Variants in CNST observed in about 807,000 individuals in gnomAD.
The protein encoded by CNST is consortin, connexin sorting protein, also known as consortin.
In CNST, 39 loss-of-function variants were observed where a neutral mutation model predicts 72.4. The observed-to-expected ratio is 0.54, with a 90% CI of 0.42 to 0.70. The LOEUF (loss-of-function observed/expected upper bound fraction) is 0.70. Among genes scored for constraint, CNST ranks in the 30% least tolerant of loss-of-function variants. The pLI, the probability that CNST is intolerant of heterozygous loss-of-function variation, is 0.00. For synonymous variants in CNST, 332 were observed against 320.1 expected, an observed-to-expected ratio of 1.04 and a Z score of -0.40; for missense variants, 871 against 868.5, an observed-to-expected ratio of 1.00 and a Z score of -0.04.
intron 6 of CNST, among the ~76,000 whole-genome samples, chr1:246,641,265 G>A (rs1433201422): frequency 6.6e-6 from 1 of 152,192 alleles, no homozygotes; most frequent in Non-Finnish European, 1.5e-5. Context: ...AAGTGGCGAT[G>A]AGCATTTTTG....
At chr1:246,595,341 A>T (rs1661809087) in intron 2 of CNST, among the ~76,000 whole-genome samples, 1 of 152,176 alleles carries the variant, frequency 6.6e-6, no homozygotes, top group Non-Finnish European at 1.5e-5. Context: ...CTCAGTACGT[A>T]TCCATCACCC....
chr1:246,619,773 C>T (rs1450767221), intron 2 of CNST, among the ~76,000 whole-genome samples: 1 of 152,252 alleles, frequency 6.6e-6, no homozygotes, highest in African/African-American at 2.4e-5. Flanking sequence ...GTTTCACATT[C>T]AAATCCAAAG....
At chr1:246,587,882 T>G (rs1465796141) in intron 1 of CNST, among the ~76,000 whole-genome samples, 1 of 152,244 alleles carries the variant, frequency 6.6e-6, no homozygotes, top group East Asian at 1.9e-4. Flanking sequence ...CCCAAGGTTT[T>G]TTTCGGAATA....
At chr1:246,661,201 C>A (rs1667085808) in intron 10 of CNST, among the ~76,000 whole-genome samples, 1 of 151,970 alleles carries the variant, frequency 6.6e-6, no homozygotes, top group Admixed American at 6.6e-5. Flanking sequence ...AACTCCTAAC[C>A]TCATGAGGTT....
chr1:246,638,309 G>T (rs1427001390), intron 6 of CNST, among the ~76,000 whole-genome samples: 1 of 152,184 alleles, frequency 6.6e-6, no homozygotes, highest in Non-Finnish European at 1.5e-5. Context: ...TTGCACGGTT[G>T]TAGGGCTACT....
Position 246,642,132 on chromosome 1 carries a change from GGTTTT to G in CNST, c.937+96_937+100del, listed in dbSNP as rs1343648286. ...ACATCTGAATTGCTGCAAAGGATCT[GGTTTT>G]TTTTTTTTTTTTTTTTTGCACTTAC... On this transcript the variant is annotated intron_variant, in intron 8 of 10. Transcript: ENST00000366513. 1.7e-3 allele frequency: 335 copies of G among 198,142 alleles called. 5 individuals carry two copies. The highest frequency in any genetic ancestry group is 5.9e-3 in the East Asian group (32 of 5,418). 12.3% of individuals were successfully genotyped at this position (198,142 alleles called of 1,614,324 possible).
At chr1:246,588,233 G>C (rs772245904) in intron 1 of CNST, among the ~76,000 whole-genome samples, 3 of 151,968 alleles carry the variant, frequency 2.0e-5, no homozygotes, top group East Asian at 1.9e-4. Flanking sequence ...TTACTGAAAG[G>C]CCGTTTTACT....
At chr1:246,665,050 A>G (rs1667331296) in intron 10 of CNST, among the ~76,000 whole-genome samples, 1 of 152,144 alleles carries the variant, frequency 6.6e-6, no homozygotes, top group Non-Finnish European at 1.5e-5. Context: ...ATCTTAGAAC[A>G]GCCAGGCTGT....
chr1:246,668,233 A>T lies in CNST; in HGVS notation c.*2328A>T, dbSNP rs1217447499. 1 of 152,124 alleles carries T rather than the reference A, an allele frequency of 6.6e-6. No individual in the cohort carries two copies. The highest frequency in any genetic ancestry group is 1.5e-5 in the Non-Finnish European group (1 of 68,012). The allele number at this position is 152,124 out of a possible 1,614,324, so 9.4% of individuals were successfully genotyped here. ...ATTCATCCAGTTTTACTAAAATGTA[A>T]TTTTTTCTGTCATTTGAAAGTACTG... is the stretch of plus-strand genomic sequence containing the variant. On this transcript the variant is annotated 3_prime_UTR_variant, in exon 11 of 11. Transcript: ENST00000366513.
chr1:246,581,889 T>C (rs1237198786), intron 1 of CNST, among the ~76,000 whole-genome samples: 2 of 152,188 alleles, frequency 1.3e-5, no homozygotes, highest in African/African-American at 4.8e-5. Flanking sequence ...TTATGAGATG[T>C]CTGCTAATAT....
At chr1:246,605,326 A>G (rs1410003898) in intron 2 of CNST, among the ~76,000 whole-genome samples, 6 of 152,244 alleles carry the variant, frequency 3.9e-5, no homozygotes, top group Non-Finnish European at 7.3e-5. Context: ...TTATAATCCC[A>G]GCATTTTGGG....
At chr1:246,659,954 G>C (rs760415691) in intron 9 of CNST, among the ~76,000 whole-genome samples, 1 of 152,216 alleles carries the variant, frequency 6.6e-6, no homozygotes, top group South Asian at 2.1e-4. Flanking sequence ...ACGTCATGCT[G>C]CCTGTCCCCG....
intron 2 of CNST, among the ~76,000 whole-genome samples, chr1:246,610,979 A>C (rs76185924): frequency 6.6e-6 from 1 of 151,890 alleles, no homozygotes; most frequent in Non-Finnish European, 1.5e-5. Context: ...TGATCACCTG[A>C]CAATATTTTC....
chr1:246,586,298 A>G (rs974872608), intron 1 of CNST, among the ~76,000 whole-genome samples: 4 of 147,904 alleles, frequency 2.7e-5, no homozygotes, highest in Admixed American at 6.8e-5. Flanking sequence ...TATATAAGAT[A>G]CATATACAAG....
intron 10 of CNST, among the ~76,000 whole-genome samples, 165 bp downstream of exon 10, chr1:246,660,499 G>A (rs1338464991): frequency 6.6e-6 from 1 of 152,194 alleles, no homozygotes; most frequent in African/African-American, 2.4e-5. Flanking sequence ...GCTCAGGCGG[G>A]CAGATCACTT....
rs184007946 is a variant in CNST at position 246,645,467 on chromosome 1, G to A, written c.938-1672G>A. 3.9e-4 allele frequency among the ~76,000 whole-genome samples: 49 copies of A among 126,710 alleles called. 1 individual carries two copies. Among genetic ancestry groups the A allele is most frequent in the African/African-American group, 1.3e-3 (41 of 30,856 alleles). 83.1% of individuals were successfully genotyped at this position (126,710 alleles called of 152,430 possible). On this transcript the variant is annotated intron_variant, in intron 8 of 10. Coordinates refer to ENST00000366513, the MANE Select transcript of CNST (RefSeq NM_152609.3). Reference sequence around the variant, plus strand: ...TTTTGAGATGGAGTCTCGCTCTGTCGCCCAGGCTGGAGTGCAGTGGCGCAA... The same window carrying A: ...TTTTGAGATGGAGTCTCGCTCTGTCACCCAGGCTGGAGTGCAGTGGCGCAA...
chr1:246,652,869 T>C (rs1364779439), intron 9 of CNST, among the ~76,000 whole-genome samples: 1 of 150,904 alleles, frequency 6.6e-6, no homozygotes, highest in South Asian at 2.1e-4. Flanking sequence ...CCGGGCGTGG[T>C]GGCGGGCGCC....
At chr1:246,567,611 A>G (rs896891456) in intron 1 of CNST, among the ~76,000 whole-genome samples, 3 of 152,234 alleles carry the variant, frequency 2.0e-5, no homozygotes, top group African/African-American at 4.8e-5. Flanking sequence ...TCTGAAGATT[A>G]TACTCATCTG....
At chr1:246,651,653 G>T (rs1572242487) in intron 9 of CNST, among the ~76,000 whole-genome samples, 1 of 152,192 alleles carries the variant, frequency 6.6e-6, no homozygotes, top group Non-Finnish European at 1.5e-5. Flanking sequence ...AAGGGAACTT[G>T]TCTAGGTTTG....
Sources: gnomAD v4.1 joint callset for allele counts (sites outside exome capture counted in the v4.1 genomes callset) on GRCh38, gnomAD v4.1.1 for gene constraint, MANE v1.5 for transcripts, NCBI Gene and HGNC (gene_info 2026-07-23, HGNC 2026-07-21) for gene names.